Variants in TRPA1 observed in about 807,000 individuals in gnomAD.
TRPA1 encodes the protein ankyrin-like with transmembrane domains 1.
A neutral mutation model predicts 131.3 loss-of-function variants in TRPA1; 129 were observed. The ratio of observed to expected loss-of-function variants is 0.98; its 90% CI spans 0.85 to 1.14. The LOEUF (loss-of-function observed/expected upper bound fraction) is 1.14. Ranked by LOEUF, TRPA1 falls within the 50% of genes most tolerant of loss-of-function variation. TRPA1 has a pLI of 0.00. For synonymous variants in TRPA1, 441 were observed against 451.7 expected (o/e 0.98, Z 0.30); for missense variants, 1,304 against 1,354.2 (o/e 0.96, Z 0.58).
chr8:72,071,088 C>T (rs919684888), intron 2 of TRPA1, among the ~76,000 whole-genome samples: 6 of 152,198 alleles, frequency 3.9e-5, no homozygotes, highest in African/African-American at 1.4e-4. Flanking sequence ...TTGAACCTCT[C>T]CCTGTCTCCT....
chr8:72,042,576 G>C (rs1812290987), intron 17 of TRPA1, among the ~76,000 whole-genome samples: 1 of 151,814 alleles, frequency 6.6e-6, no homozygotes. Context: ...TGTATATGAA[G>C]AGTTTAAAGC....
At chr8:72,028,227 A>T (rs1437340131) in intron 24 of TRPA1, among the ~76,000 whole-genome samples, 1 of 152,152 alleles carries the variant, frequency 6.6e-6, no homozygotes. Flanking sequence ...GCTGATAATA[A>T]CTCTCCACTA....
At chr8:72,052,439 A>AC in intron 14 of TRPA1, 160 bp downstream of exon 14, 2 of 793,182 alleles carry the variant, frequency 2.5e-6, no homozygotes, top group East Asian at 6.6e-5. Flanking sequence ...ATAAATAAAA[A>AC]TAAAAAATAA....
rs200951983 is a variant in TRPA1, at chr8:72,036,337, C to T, written c.2506G>A (p.Ala836Thr). The T allele has an allele frequency of 4.3e-6, 7 of 1,614,102 alleles. No individual in the cohort carries two copies. The highest frequency in any genetic ancestry group is 2.7e-5 in the African/African-American group (2 of 75,042). Residue 836 changes from alanine to threonine, a missense_variant, in exon 21 of 27, where the codon GCA (alanine) becomes ACA (threonine). Transcript: ENST00000262209. ...IPAHLQWQCG[A>T]IAVYFYWMNF... ...ATCCAATAGAAGTAAACAGCAATTG[C>T]TCCACATTGCCACTGCAGATGAGCT...
intron 13 of TRPA1, chr8:72,053,141 A>G (rs1230694931): frequency 7.5e-6 from 2 of 265,770 alleles, no homozygotes; most frequent in African/African-American, 4.4e-5. Context: ...TGGGTTGAAC[A>G]CAGAAGAAAA....
rs192532167 is a variant in TRPA1 at position 72,029,952 on chromosome 8, G to A, written c.2886C>T (p.Gly962=). The change falls in exon 24 of 27, where the codon GGC becomes GGT. Residue 962 remains glycine, a synonymous_variant. Transcript: ENST00000262209. ...LMNLLIGLAV[G]DIAEVQKHAS... ...CATGTTTCTGGACCTCAGCAATGTC[G>A]CCAACTGCCAAACCAATCTGAAGTA... The A allele has an allele frequency of 1.8e-4, 292 of 1,613,734 alleles. 2 individuals carry two copies. In the East Asian group the frequency reaches 4.6e-3, roughly 26 times the overall value.
the TRPA1 span, among the ~76,000 whole-genome samples, chr8:72,082,344 C>T: frequency 6.6e-6 from 1 of 151,912 alleles, no homozygotes; most frequent in Non-Finnish European, 1.5e-5. Context: ...TGTTATAATT[C>T]TTCTTTTTAA....
chr8:72,033,709 C>A lies in TRPA1; in HGVS notation c.2803G>T (p.Val935Phe), dbSNP rs1811921687. ...PYLRNELAHP[V>F]LSFAQLVSFT... ...GAAACAAGTTGTGCAAAGGACAGAA[C>A]TGGATGTGCCAATTCATTTCTCAGA... is the stretch of plus-strand genomic sequence containing the variant. Residue 935 changes from valine to phenylalanine, a missense_variant, in exon 23 of 27, where the codon GTT becomes TTT. Physicochemically the swap from Val to Phe is conservative, Grantham distance 50. Transcript: ENST00000262209. 6.2e-7 allele frequency: 1 copy of A among 1,613,970 alleles called. No homozygotes were observed. The highest frequency in any genetic ancestry group is 1.7e-5 in the Admixed American group (1 of 60,012).
chr8:72,045,655 T>C (rs946717015), intron 17 of TRPA1, among the ~76,000 whole-genome samples: 109 of 151,368 alleles, frequency 7.2e-4, no homozygotes, highest in African/African-American at 2.3e-3. Context: ...TTGTTGCCAA[T>C]ATTTACACAA....
the TRPA1 span, among the ~76,000 whole-genome samples, chr8:72,082,524 T>C: frequency 2.0e-5 from 3 of 152,088 alleles, no homozygotes; most frequent in Non-Finnish European, 4.4e-5. Context: ...GGATTTCTTT[T>C]AGAACATCTA....
In TRPA1 at chr8:72,046,586, A is replaced by T. The variant is rs1199172246; in HGVS notation, c.1988T>A (p.Leu663His). Reference sequence around the variant, plus strand: ...TTTGGTGAATTCTAATGGACATTGAAGATATTTGAAATTATACTCGATCTG... The same window carrying T: ...TTTGGTGAATTCTAATGGACATTGATGATATTTGAAATTATACTCGATCTG... ...DYYIEYNFKY[L>H]QCPLEFTKKT... The change falls in exon 17 of 27, where the codon CTT (leucine) becomes CAT (histidine). Residue 663 changes from leucine to histidine, a missense_variant. Coordinates refer to ENST00000262209, the MANE Select transcript of TRPA1 (RefSeq NM_007332.3). The T allele has an allele frequency of 7.5e-6, 12 of 1,592,192 alleles. No homozygotes were observed. Among genetic ancestry groups the T allele is most frequent in the Admixed American group, 1.7e-5 (1 of 59,434 alleles).
chr8:72,023,705 A>T (rs1811479471), intron 26 of TRPA1, 109 bp downstream of exon 26: 7 of 725,338 alleles, frequency 9.7e-6, no homozygotes, highest in Admixed American at 2.5e-5. Context: ...TCAATAAAGC[A>T]AGATAATATA....
chr8:72,087,507 T>G, the TRPA1 span, among the ~76,000 whole-genome samples: 14 of 152,224 alleles, frequency 9.2e-5, no homozygotes, highest in Non-Finnish European at 1.8e-4. Flanking sequence ...CTTAACCCAT[T>G]TTCCTTGTAT....
chr8:72,089,360 C>T, the TRPA1 span, among the ~76,000 whole-genome samples: 3 of 151,914 alleles, frequency 2.0e-5, no homozygotes, highest in African/African-American at 7.3e-5. Flanking sequence ...TTAATTTATA[C>T]CCAGATCATT....
Position 72,050,788 on chromosome 8 carries a change from T to C in TRPA1, c.1895A>G (p.Glu632Gly), listed in dbSNP as rs1805483561. The C allele has an allele frequency of 6.2e-7, 1 of 1,609,294 alleles. No individual in the cohort carries two copies. The stretch of plus-strand genomic sequence containing the variant: ...TTTTAGAGAATTTACCTTCATGCAT[T>C]CAGGGAGGTATTCTATCATTTCTGT... Reference protein sequence around the residue: ...PITEMIEYLPECMKVLLDFCM... With the variant: ...PITEMIEYLPGCMKVLLDFCM... Residue 632 changes from glutamate to glycine, a missense_variant, in exon 15 of 27, where the codon GAA becomes GGA. Glu to Gly is a moderately conservative substitution (Grantham distance 98, BLOSUM62 -2). Coordinates refer to ENST00000262209, the MANE Select transcript of TRPA1 (RefSeq NM_007332.3).
intron 21 of TRPA1, among the ~76,000 whole-genome samples, chr8:72,034,683 G>A (rs898931433): frequency 6.6e-6 from 1 of 152,052 alleles, no homozygotes; most frequent in African/African-American, 2.4e-5. Context: ...CAGCCTTGAC[G>A]TCCCAGGCTC....
At chr8:72,068,956 G>T in intron 3 of TRPA1, 67 bp downstream of exon 3, 2 of 1,553,236 alleles carry the variant, frequency 1.3e-6, no homozygotes, top group Middle Eastern at 1.8e-4. Context: ...CAAGCAGAGA[G>T]AGCTGGATCT....
Position 72,075,580 on chromosome 8 carries a change from T to G in TRPA1, c.-171A>C. ...CGCTCTGCGGAAGCCCTGGAGAACTTCTGGAAGGAGTTCTCAGGCCCGCGC... is the reference window on the plus strand; with the variant it reads ...CGCTCTGCGGAAGCCCTGGAGAACTGCTGGAAGGAGTTCTCAGGCCCGCGC... On this transcript the variant is annotated 5_prime_UTR_variant, in exon 1 of 27. Transcript: ENST00000262209. 1 of 637,292 alleles carries G rather than the reference T, an allele frequency of 1.6e-6. No individual in the cohort carries two copies. Among genetic ancestry groups the G allele is most frequent in the South Asian group, 1.8e-5 (1 of 55,798 alleles). The allele number at this position is 637,292 out of a possible 1,614,324, so 39.5% of individuals were successfully genotyped here. A position where few individuals can be genotyped will look rare whatever the true frequency, so the allele number is the denominator to read the frequency against.
rs770145910 is a variant in TRPA1, at chr8:72,053,824, C to T, written c.1573G>A (p.Gly525Arg). ...ATGACCTTCATGGTCTGAGTGTACC[C>T]GCCCATGGACGCATGATGCAAAGCT... The part of the protein sequence containing the change: ...WTALHHASMG[G>R]YTQTMKVILD... The change falls in exon 13 of 27, where the codon GGG becomes AGG. Residue 525 changes from glycine (G) to arginine (R), a missense_variant. By Grantham distance (125) the Gly-to-Arg change is moderately radical (BLOSUM62 -2). Transcript: ENST00000262209. 8.3e-5 allele frequency: 134 copies of T among 1,612,080 alleles called. No individual in the cohort carries two copies. The highest frequency in any genetic ancestry group is 1.1e-4 in the Non-Finnish European group (124 of 1,179,794).
Sources: gnomAD v4.1 joint callset for allele counts (sites outside exome capture counted in the v4.1 genomes callset) on GRCh38, gnomAD v4.1.1 for gene constraint, MANE v1.5 for transcripts, NCBI Gene and HGNC (gene_info 2026-07-23, HGNC 2026-07-21) for gene names.